The following PHACTR3 variants were observed in gnomAD, a reference collection of about 807,000 sequenced individuals.
The protein encoded by PHACTR3 is protein phosphatase 1, regulatory subunit 123.
Under a neutral mutation model 66.8 loss-of-function variants are expected in PHACTR3, and 16 were observed. That is an observed-to-expected ratio of 0.24 (90% CI 0.16 to 0.36). PHACTR3 has a LOEUF of 0.36. Ranked by LOEUF, PHACTR3 falls within the 10% of genes least tolerant of loss-of-function variation. PHACTR3 has a pLI of 1.00. For synonymous variants in PHACTR3, 323 were observed against 292.1 expected (o/e 1.11, Z -1.08); for missense variants, 647 against 719.9 (o/e 0.90, Z 1.16).
At chr20:59,752,530 G>A (rs1392090848) in intron 3 of PHACTR3, among the ~76,000 whole-genome samples, 3 of 62,838 alleles carry the variant, frequency 4.8e-5, no homozygotes, top group Non-Finnish European at 1.1e-4. Flanking sequence ...ATGATTATGA[G>A]CTGGAGCTCT....
At chr20:59,770,000 T>A (rs915984906) in intron 5 of PHACTR3, among the ~76,000 whole-genome samples, 3 of 152,232 alleles carry the variant, frequency 2.0e-5, no homozygotes, top group Non-Finnish European at 4.4e-5. Flanking sequence ...CCACCTCATT[T>A]TATTCTGGCG....
At chr20:59,578,953 C>T (rs1469102089) in intron 1 of PHACTR3, among the ~76,000 whole-genome samples, 1 of 152,168 alleles carries the variant, frequency 6.6e-6, no homozygotes, top group Non-Finnish European at 1.5e-5. Flanking sequence ...AGGGTGGAGT[C>T]GGGAGAGGGA....
rs907417376 is a variant in PHACTR3, at chr20:59,613,927, G to A, written c.118+8795G>A. On this transcript the variant is annotated intron_variant, in intron 1 of 12. Transcript: ENST00000371015. ...TCACAGAGCCAATCATCTGGTCAGC[G>A]ATCAACGGCTGGAGTGAAAATGTGC... 3.3e-5 allele frequency among the ~76,000 whole-genome samples: 5 copies of A among 152,206 alleles called. No individual in the cohort carries two copies. The East Asian group carries it at 5.8e-4, about 18-fold the overall frequency.
At chr20:59,614,610 T>G (rs1249278322) in intron 1 of PHACTR3, among the ~76,000 whole-genome samples, 2 of 152,204 alleles carry the variant, frequency 1.3e-5, no homozygotes, top group Non-Finnish European at 2.9e-5. Context: ...CTAAGAAGTG[T>G]GTTTATTATA....
chr20:59,672,328 T>G (rs6100545), intron 1 of PHACTR3, among the ~76,000 whole-genome samples: 7,884 of 152,290 alleles, frequency 0.052, 377 homozygotes, highest in Admixed American at 0.12. Context: ...CCTTCCTGCC[T>G]CCTCGAACCT....
At chr20:59,692,556 T>C (rs960825224) in intron 1 of PHACTR3, among the ~76,000 whole-genome samples, 8 of 152,238 alleles carry the variant, frequency 5.3e-5, no homozygotes, top group African/African-American at 1.7e-4. Context: ...ATGTGCCCAA[T>C]ACCATTCTCT....
intron 1 of PHACTR3, among the ~76,000 whole-genome samples, chr20:59,599,118 C>T (rs1350403859): frequency 6.6e-6 from 1 of 152,234 alleles, no homozygotes; most frequent in Non-Finnish European, 1.5e-5. Flanking sequence ...GAGCATGAGC[C>T]CCTCAGTCCC....
intron 1 of PHACTR3, among the ~76,000 whole-genome samples, chr20:59,623,281 T>C (rs893846228): frequency 6.6e-6 from 1 of 152,134 alleles, no homozygotes; most frequent in African/African-American, 2.4e-5. Flanking sequence ...TGTTATGACC[T>C]TCCAGCTGTC....
intron 7 of PHACTR3, 52 bp from the exon 8 acceptor site, chr20:59,805,989 G>A: frequency 6.4e-7 from 1 of 1,574,352 alleles, no homozygotes; most frequent in South Asian, 1.2e-5. Flanking sequence ...CCTCCGCTAA[G>A]ACCTGTCTCC....
intron 7 of PHACTR3, among the ~76,000 whole-genome samples, chr20:59,789,946 A>G (rs1046059134): frequency 3.3e-5 from 5 of 152,228 alleles, no homozygotes; most frequent in African/African-American, 9.6e-5. Flanking sequence ...TGCATTAGCA[A>G]CGTGGAGACA....
chr20:59,729,012 T>C (rs1479862296), intron 1 of PHACTR3, among the ~76,000 whole-genome samples: 1 of 152,078 alleles, frequency 6.6e-6, no homozygotes, highest in East Asian at 1.9e-4. Context: ...GGCTGCTTAC[T>C]AGGATCCGGA....
At chr20:59,606,750 G>T (rs1489375335) in intron 1 of PHACTR3, among the ~76,000 whole-genome samples, 1 of 152,184 alleles carries the variant, frequency 6.6e-6, no homozygotes, top group African/African-American at 2.4e-5. Flanking sequence ...GGGAGCGGAG[G>T]GTTGGGCAGG....
intron 1 of PHACTR3, among the ~76,000 whole-genome samples, chr20:59,594,961 C>T (rs142062472): frequency 6.6e-6 from 1 of 152,282 alleles, no homozygotes; most frequent in East Asian, 1.9e-4. Flanking sequence ...GTTCTCACAG[C>T]ACCCACGAAT....
chr20:59,802,089 G>A (rs1248039527), intron 7 of PHACTR3, among the ~76,000 whole-genome samples: 1 of 152,222 alleles, frequency 6.6e-6, no homozygotes, highest in African/African-American at 2.4e-5. Flanking sequence ...GCTTCGACAG[G>A]AGAGCAGGAG....
chr20:59,771,014 G>A (rs890007751), intron 5 of PHACTR3, among the ~76,000 whole-genome samples: 2 of 152,174 alleles, frequency 1.3e-5, no homozygotes, highest in African/African-American at 2.4e-5. Flanking sequence ...TCTGTGAAAT[G>A]GGGGTGACAA....
At chr20:59,636,967 G>A (rs553179789) in intron 1 of PHACTR3, among the ~76,000 whole-genome samples, 1 of 152,302 alleles carries the variant, frequency 6.6e-6, no homozygotes, top group Admixed American at 6.5e-5. Flanking sequence ...CCCTCGATGG[G>A]TACAGGCTGT....
At chr20:59,686,743 ATGG>A (rs1175095125) in intron 1 of PHACTR3, among the ~76,000 whole-genome samples, 1 of 81,290 alleles carries the variant, frequency 1.2e-5, no homozygotes, top group African/African-American at 4.8e-5. Context: ...GGTGGTGATG[ATGG>A]TGATGATGAT....
At chr20:59,841,910 A>G (rs1423016648) in intron 11 of PHACTR3, among the ~76,000 whole-genome samples, 3 of 152,144 alleles carry the variant, frequency 2.0e-5, no homozygotes, top group African/African-American at 7.2e-5. Context: ...ACCTTGGTAT[A>G]AGGGATAAAT....
chr20:59,651,464 C>G (rs1312009114), intron 1 of PHACTR3, among the ~76,000 whole-genome samples: 1 of 152,120 alleles, frequency 6.6e-6, no homozygotes, highest in Non-Finnish European at 1.5e-5. Flanking sequence ...ACCAGCTAGC[C>G]ATATGAACCT....
Sources: allele counts gnomAD v4.1 joint callset (sites outside exome capture counted in the v4.1 genomes callset), GRCh38; gene constraint gnomAD v4.1.1; transcripts MANE v1.5; gene names NCBI Gene and HGNC (gene_info 2026-07-23, HGNC 2026-07-21).